Variants in EFNA5 observed in about 807,000 individuals in gnomAD.
EFNA5 encodes ephrin-A5.
EFNA5 carries 5 observed loss-of-function variants against 22.9 expected under a neutral mutation model. The observed-to-expected ratio is 0.22, with a 90% CI of 0.11 to 0.46. The LOEUF is 0.46. EFNA5 is among the 20% of genes least tolerant of loss of function. The probability of loss-of-function intolerance (pLI) is 0.99; values close to 1 mark genes in which losing one functional copy is unlikely to be tolerated. For missense variants in EFNA5, 237 were observed against 293.3 expected (o/e 0.81, Z 1.40); for synonymous variants, 113 against 112.2 (o/e 1.01, Z -0.04).
intron 1 of EFNA5, among the ~76,000 whole-genome samples, chr5:107,636,052 A>G (rs1315069238): frequency 1.3e-5 from 2 of 152,232 alleles, no homozygotes; most frequent in Non-Finnish European, 2.9e-5. Context: ...CACATTAGAT[A>G]TTCTGCATGC....
At chr5:107,413,394 C>G (rs1176514291) in intron 2 of EFNA5, among the ~76,000 whole-genome samples, 2 of 152,096 alleles carry the variant, frequency 1.3e-5, no homozygotes, top group African/African-American at 4.8e-5. Context: ...CCATTTTCAT[C>G]AGACTCTAAC....
chr5:107,492,182 C>T (rs965522790), intron 1 of EFNA5, among the ~76,000 whole-genome samples: 6 of 152,070 alleles, frequency 3.9e-5, no homozygotes, highest in African/African-American at 9.7e-5. Context: ...CAACTACAAA[C>T]TTTCCTAAAC....
chr5:107,614,732 A>C (rs1749879822), intron 1 of EFNA5, among the ~76,000 whole-genome samples: 2 of 152,174 alleles, frequency 1.3e-5, no homozygotes, highest in African/African-American at 4.8e-5. Context: ...TCTCTCAAAA[A>C]TCCAGAAGGA....
intron 1 of EFNA5, among the ~76,000 whole-genome samples, chr5:107,656,823 C>T (rs555006544): frequency 6.6e-6 from 1 of 152,166 alleles, no homozygotes; most frequent in African/African-American, 2.4e-5. Flanking sequence ...ATACTTACAA[C>T]TCAAATAGAG....
intron 2 of EFNA5, 33 bp from the exon 3 acceptor site, chr5:107,387,804 AAGAAG>A: frequency 6.8e-7 from 1 of 1,477,804 alleles, no homozygotes; most frequent in Non-Finnish European, 9.4e-7. Context: ...GCAGGAAAGA[AAGAAG>A]AGAACAACAA....
intron 1 of EFNA5, among the ~76,000 whole-genome samples, chr5:107,604,782 G>A (rs887743255): frequency 6.6e-6 from 1 of 152,094 alleles, no homozygotes; most frequent in Non-Finnish European, 1.5e-5. Flanking sequence ...CGCCCTACAT[G>A]ATTCTGATCT....
At position 107,433,831 on chromosome 5, in the gene EFNA5, G is replaced by A. The variant is rs1369868291; in HGVS notation, c.126-6322C>T. Reference sequence around the variant, plus strand: ...CAGGAGGATCACTTGAGCCTCAGAGGCAGAGGTTGTAGTGAACCGAGATTG... The same window carrying A: ...CAGGAGGATCACTTGAGCCTCAGAGACAGAGGTTGTAGTGAACCGAGATTG... On this transcript the variant is annotated intron_variant, in intron 1 of 4. Coordinates refer to ENST00000333274, the MANE Select transcript of EFNA5 (RefSeq NM_001962.3). 4.0e-5 allele frequency among the ~76,000 whole-genome samples: 6 copies of A among 151,828 alleles called. No homozygotes were observed. In the East Asian group the frequency reaches 1.2e-3, roughly 29 times the overall value.
chr5:107,438,748 C>T (rs1241965963), intron 1 of EFNA5, among the ~76,000 whole-genome samples: 1 of 152,162 alleles, frequency 6.6e-6, no homozygotes, highest in Non-Finnish European at 1.5e-5. Context: ...TTGGGCTTTA[C>T]AAGGCCAGAA....
intron 1 of EFNA5, among the ~76,000 whole-genome samples, chr5:107,623,143 G>A (rs1486270789): frequency 2.6e-5 from 4 of 151,490 alleles, no homozygotes; most frequent in African/African-American, 9.7e-5. Flanking sequence ...TCCCCAGATG[G>A]GTTTTACTTC....
At chr5:107,457,340 T>C (rs35891306) in intron 1 of EFNA5, among the ~76,000 whole-genome samples, 417 of 152,240 alleles carry the variant, frequency 2.7e-3, no homozygotes, top group Non-Finnish European at 4.1e-3. Flanking sequence ...GATCCTTGAC[T>C]CAGCCTCTGA....
chr5:107,553,626 G>A (rs544700547), intron 1 of EFNA5, among the ~76,000 whole-genome samples: 1 of 152,300 alleles, frequency 6.6e-6, no homozygotes, highest in African/African-American at 2.4e-5. Flanking sequence ...TAGTGGTAGA[G>A]CAATTATCTG....
In EFNA5 at chr5:107,450,441, T is replaced by C. The variant is rs1749529242; in HGVS notation, c.126-22932A>G. Among the ~76,000 whole-genome samples, 3 of 152,196 alleles carry C rather than the reference T, an allele frequency of 2.0e-5. No homozygotes were observed. In the East Asian group the frequency reaches 5.8e-4, roughly 29 times the overall value. On this transcript the variant is annotated intron_variant, in intron 1 of 4. Transcript: ENST00000333274. ...TTCCCTTCTTTCTAAATTAGTTTTG[T>C]CGACTAATATTTTCTCCTCCTAGTG...
At chr5:107,618,931 T>A (rs1749977579) in intron 1 of EFNA5, among the ~76,000 whole-genome samples, 1 of 151,984 alleles carries the variant, frequency 6.6e-6, no homozygotes, top group Non-Finnish European at 1.5e-5. Context: ...TCTTTTTTTT[T>A]TTTATTTTGA....
At chr5:107,647,443 T>C (rs1750649525) in intron 1 of EFNA5, among the ~76,000 whole-genome samples, 2 of 152,114 alleles carry the variant, frequency 1.3e-5, no homozygotes, top group Admixed American at 6.6e-5. Flanking sequence ...TCAATGAAAA[T>C]AGCTATATTG....
intron 1 of EFNA5, among the ~76,000 whole-genome samples, chr5:107,572,782 T>C (rs1227739549): frequency 1.3e-5 from 2 of 152,198 alleles, no homozygotes; most frequent in African/African-American, 2.4e-5. Flanking sequence ...AGCTTTTGCC[T>C]TCCTTTTCAC....
chr5:107,532,804 T>G (rs973160913), intron 1 of EFNA5, among the ~76,000 whole-genome samples: 4 of 152,156 alleles, frequency 2.6e-5, no homozygotes, highest in African/African-American at 4.8e-5. Context: ...GAGAATATTT[T>G]AAAAGAACAG....
At chr5:107,476,720 GT>G (rs1385994959) in intron 1 of EFNA5, among the ~76,000 whole-genome samples, 3 of 135,724 alleles carry the variant, frequency 2.2e-5, no homozygotes, top group African/African-American at 8.8e-5. Flanking sequence ...CCCTTAAAAT[GT>G]TTATTTTTTC....
At chr5:107,435,846 G>A (rs903791325) in intron 1 of EFNA5, among the ~76,000 whole-genome samples, 9 of 152,162 alleles carry the variant, frequency 5.9e-5, no homozygotes, top group African/African-American at 1.2e-4. Context: ...GTTCTTGCAC[G>A]TGCATGTTTT....
chr5:107,481,902 A>G (rs1186145625), intron 1 of EFNA5, among the ~76,000 whole-genome samples: 2 of 152,074 alleles, frequency 1.3e-5, no homozygotes, highest in Non-Finnish European at 2.9e-5. Context: ...AGTCAGGGTT[A>G]CAATAAGGTC....
Sources: gnomAD v4.1 joint callset for allele counts (sites outside exome capture counted in the v4.1 genomes callset) on GRCh38, gnomAD v4.1.1 for gene constraint, MANE v1.5 for transcripts, NCBI Gene and HGNC (gene_info 2026-07-23, HGNC 2026-07-21) for gene names.